TACC2: variants seen among roughly 807,000 people sequenced by gnomAD.
The protein encoded by TACC2 is transforming acidic coiled-coil-containing protein 2.
A neutral mutation model predicts 227.3 loss-of-function variants in TACC2; 137 were observed. That is an observed-to-expected ratio of 0.60 (90% CI 0.52 to 0.69). The LOEUF is 0.69. Ranked by LOEUF, TACC2 falls within the 30% of genes least tolerant of loss-of-function variation. TACC2 has a pLI of 0.00. For synonymous variants in TACC2, 1,523 were observed against 1,487.5 expected (o/e 1.02, Z -0.55); for missense variants, 3,470 against 3,694.4 (o/e 0.94, Z 1.57).
chr10:122,216,747 G>T lies in TACC2; in HGVS notation c.7465G>T (p.Glu2489Ter), dbSNP rs758378142. Residue 2489 changes from glutamate to a stop codon, truncating the protein, a stop_gained, in exon 11 of 23, where the codon GAG becomes TAG. Coordinates refer to ENST00000369005, the MANE Select transcript of TACC2 (RefSeq NM_206862.4). LOFTEE classifies it high-confidence loss of function. Reference protein sequence around the residue: ...QKWTCMTVDLEADKQDYPQPS... With the variant: ...QKWTCMTVDL ...GTGGACGTGCATGACAGTGGACCTAGAGGCTGACAAACAGGACTACCCGCA... is the reference window on the plus strand; with the variant it reads ...GTGGACGTGCATGACAGTGGACCTATAGGCTGACAAACAGGACTACCCGCA... 1 of 1,614,116 alleles carries T rather than the reference G, an allele frequency of 6.2e-7. No individual in the cohort carries two copies.
intron 2 of TACC2, among the ~76,000 whole-genome samples, chr10:122,031,899 G>A (rs993295240): frequency 6.6e-6 from 1 of 151,702 alleles, no homozygotes; most frequent in African/African-American, 2.4e-5. Flanking sequence ...GTAGAGATGC[G>A]GTCTCACTAT....
At chr10:122,130,710 G>A (rs1262434614) in intron 5 of TACC2, among the ~76,000 whole-genome samples, 1 of 152,206 alleles carries the variant, frequency 6.6e-6, no homozygotes, top group South Asian at 2.1e-4. Context: ...TCGACAAGCT[G>A]CTCAGCCTCT....
At chr10:122,216,595 G>A in intron 10 of TACC2, 32 bp from the exon 11 acceptor site, 1 of 1,602,862 alleles carries the variant, frequency 6.2e-7, no homozygotes, top group Non-Finnish European at 8.5e-7. Flanking sequence ...AGAGTCTGAT[G>A]AGACAAGAAA....
At chr10:122,117,999 T>G (rs2085020196) in intron 5 of TACC2, among the ~76,000 whole-genome samples, 1 of 151,948 alleles carries the variant, frequency 6.6e-6, no homozygotes, top group Non-Finnish European at 1.5e-5. Flanking sequence ...AACATTACCT[T>G]TGTTTTTCTC....
At chr10:122,088,717 G>T (rs1457988966) in intron 5 of TACC2, 126 bp downstream of exon 5, 21 of 1,544,226 alleles carry the variant, frequency 1.4e-5, no homozygotes, top group Non-Finnish European at 1.8e-5. Context: ...GAAGCAAATG[G>T]CCATTCCCGT....
chr10:122,132,009 G>A (rs1037119292), intron 5 of TACC2, among the ~76,000 whole-genome samples: 3 of 147,132 alleles, frequency 2.0e-5, no homozygotes, highest in Admixed American at 1.4e-4. Context: ...GTGACAGAGC[G>A]AGACAGTCTC....
chr10:122,166,294 T>G (rs1001889180), intron 7 of TACC2, among the ~76,000 whole-genome samples: 3 of 152,206 alleles, frequency 2.0e-5, no homozygotes, highest in Non-Finnish European at 4.4e-5. Context: ...AAGGATTTTT[T>G]TTTAATTTAA....
chr10:122,227,786 G>A (rs373773308), intron 13 of TACC2, 51 bp from the exon 14 acceptor site: 7 of 1,555,764 alleles, frequency 4.5e-6, no homozygotes, highest in Non-Finnish European at 6.1e-6. Context: ...GTTGATTTCA[G>A]TGGGTTTCCC....
chr10:122,055,867 G>A (rs2076166178), intron 3 of TACC2, among the ~76,000 whole-genome samples: 1 of 152,194 alleles, frequency 6.6e-6, no homozygotes, highest in Admixed American at 6.5e-5. Flanking sequence ...TAAGATGATG[G>A]TGGAATGCTG....
intron 2 of TACC2, among the ~76,000 whole-genome samples, chr10:122,033,925 G>A (rs1276600737): frequency 6.6e-6 from 1 of 152,104 alleles, no homozygotes; most frequent in Non-Finnish European, 1.5e-5. Flanking sequence ...GCTGAGGAGG[G>A]CAGATCACTT....
intron 8 of TACC2, among the ~76,000 whole-genome samples, chr10:122,196,701 C>T (rs371587896): frequency 1.2e-4 from 18 of 152,148 alleles, no homozygotes; most frequent in African/African-American, 4.1e-4. Flanking sequence ...ACTATTCTGG[C>T]CGAGGCGGGC....
intron 3 of TACC2, among the ~76,000 whole-genome samples, chr10:122,058,229 A>G (rs2076403985): frequency 6.6e-6 from 1 of 152,154 alleles, no homozygotes; most frequent in African/African-American, 2.4e-5. Context: ...CTTCATGAAT[A>G]CTCATAGCTC....
chr10:122,137,478 A>G (rs1489737723), intron 6 of TACC2, among the ~76,000 whole-genome samples: 2 of 152,110 alleles, frequency 1.3e-5, no homozygotes, highest in South Asian at 2.1e-4. Flanking sequence ...CCATCTAAAA[A>G]AAAAGCAGAA....
chr10:122,056,039 C>T (rs1024615456), intron 3 of TACC2, among the ~76,000 whole-genome samples: 4 of 152,236 alleles, frequency 2.6e-5, no homozygotes, highest in African/African-American at 7.2e-5. Context: ...GGAGTCTTAG[C>T]TGTTATCTGA....
chr10:122,086,077 G>A lies in TACC2; in HGVS notation c.3577G>A (p.Ala1193Thr). 6.2e-7 allele frequency: 1 copy of A among 1,613,810 alleles called. No individual in the cohort carries two copies. The highest frequency in any genetic ancestry group is 2.2e-5 in the East Asian group (1 of 44,882). The change falls in exon 4 of 23, where the codon GCC becomes ACC. Residue 1193 changes from alanine to threonine, a missense_variant. Physicochemically the swap from Ala to Thr is moderately conservative, Grantham distance 58. This residue lies in a region of TACC2 where 1,924 missense variants were observed against 1,978.3 expected (regional missense o/e 0.97). Coordinates refer to ENST00000369005, the MANE Select transcript of TACC2 (RefSeq NM_206862.4). ...AEHPMASCQDALLPARELGGI... is the reference protein window; with the variant it reads ...AEHPMASCQDTLLPARELGGI... Reference sequence around the variant, plus strand: ...GCACCCCATGGCCAGCTGCCAGGATGCCTTGCTGCCAGCCAGAGAGCTGGG... The same window carrying A: ...GCACCCCATGGCCAGCTGCCAGGATACCTTGCTGCCAGCCAGAGAGCTGGG...
chr10:122,059,721 AAC>A (rs1204706014), intron 3 of TACC2, among the ~76,000 whole-genome samples: 2 of 152,194 alleles, frequency 1.3e-5, no homozygotes, highest in Non-Finnish European at 2.9e-5. Context: ...AAACAAATAG[AAC>A]AGAGACACTT....
chr10:122,184,402 T>C (rs900078001), intron 7 of TACC2, among the ~76,000 whole-genome samples: 7 of 152,194 alleles, frequency 4.6e-5, no homozygotes, highest in African/African-American at 1.7e-4. Context: ...CCAAACTCCT[T>C]GTTGGCTCCT....
At chr10:122,062,372 T>G (rs2076933345) in intron 3 of TACC2, among the ~76,000 whole-genome samples, 1 of 150,844 alleles carries the variant, frequency 6.6e-6, no homozygotes, top group African/African-American at 2.5e-5. Context: ...AATGACGCCA[T>G]CTTGGCTAAC....
At chr10:122,216,927 C>T in intron 11 of TACC2, 99 bp downstream of exon 11, 1 of 1,599,794 alleles carries the variant, frequency 6.3e-7, no homozygotes, top group Non-Finnish European at 8.5e-7. Context: ...GCCAGGTAAC[C>T]ACGTGATCAT....
Sources: gnomAD v4.1 joint callset for allele counts (sites outside exome capture counted in the v4.1 genomes callset) on GRCh38, gnomAD v4.1.1 for gene constraint, gnomAD v4.1.1 regional missense constraint, MANE v1.5 for transcripts, NCBI Gene and HGNC (gene_info 2026-07-23, HGNC 2026-07-21) for gene names.